The following LIPA variants were observed in gnomAD, a reference collection of about 807,000 sequenced individuals.
LIPA encodes the protein lysosomal acid lipase/cholesteryl ester hydrolase.
LIPA carries 26 observed loss-of-function variants against 40.6 expected under a neutral mutation model. That is an observed-to-expected ratio of 0.64 (90% CI 0.47 to 0.89). The LOEUF (loss-of-function observed/expected upper bound fraction) is 0.89. Ranked by LOEUF, LIPA falls within the 40% of genes least tolerant of loss-of-function variation. The probability of loss-of-function intolerance (pLI) is 0.00; values close to 1 mark genes in which losing one functional copy is unlikely to be tolerated. For missense variants in LIPA, 455 were observed against 479.6 expected (o/e 0.95, Z 0.48); for synonymous variants, 188 against 168.4 (o/e 1.12, Z -0.90).
chr10:89,369,542 T>C (rs1321131632), intron 2 of LIPA, among the ~76,000 whole-genome samples: 1 of 152,212 alleles, frequency 6.6e-6, no homozygotes, highest in Non-Finnish European at 1.5e-5. Context: ...GTTGGAGTTA[T>C]CTTTATCAAG....
intron 1 of LIPA, chr10:89,338,902 C>CAA (rs775587711): frequency 6.2e-7 from 1 of 1,614,164 alleles, no homozygotes; most frequent in Admixed American, 1.7e-5. Flanking sequence ...GTTAATCCAG[C>CAA]AAGAACATGC....
chr10:89,294,656 T>A (rs956002014), intron 1 of LIPA, among the ~76,000 whole-genome samples: 1 of 152,186 alleles, frequency 6.6e-6, no homozygotes. Context: ...AAATGGTGTT[T>A]AATTAATTTT....
intron 3 of LIPA, among the ~76,000 whole-genome samples, chr10:89,237,574 G>T (rs968180236): frequency 6.6e-6 from 1 of 152,178 alleles, no homozygotes; most frequent in Non-Finnish European, 1.5e-5. Context: ...AATGCAGTAG[G>T]GTTGATGGTC....
intron 2 of LIPA, among the ~76,000 whole-genome samples, chr10:89,371,562 T>C (rs779439261): frequency 2.0e-5 from 3 of 152,152 alleles, no homozygotes; most frequent in Non-Finnish European, 4.4e-5. Context: ...CCACTAGTGA[T>C]GGAGGGGAAG....
chr10:89,254,130 C>A (rs140076112), upstream of LIPA, among the ~76,000 whole-genome samples: 177 of 152,360 alleles, frequency 1.2e-3, no homozygotes, highest in Middle Eastern at 0.01. Flanking sequence ...CACAGCTGCA[C>A]TAGGCAGTGC....
intron 1 of LIPA, among the ~76,000 whole-genome samples, chr10:89,322,869 G>T (rs1843579640): frequency 6.6e-6 from 1 of 152,182 alleles, no homozygotes; most frequent in East Asian, 1.9e-4. Flanking sequence ...GGGCAAGACA[G>T]GTGACTACAT....
intron 1 of LIPA, among the ~76,000 whole-genome samples, chr10:89,294,890 C>T (rs1400888287): frequency 1.3e-5 from 2 of 151,896 alleles, no homozygotes; most frequent in East Asian, 3.9e-4. Context: ...GGGAAGATCA[C>T]TTGAGCCTGG....
At chr10:89,224,258 G>T (rs1431779811) in intron 6 of LIPA, among the ~76,000 whole-genome samples, 1 of 152,204 alleles carries the variant, frequency 6.6e-6, no homozygotes, top group African/African-American at 2.4e-5. Context: ...TGGCCAGCAG[G>T]CCAAATCCAG....
chr10:89,347,410 C>CAT (rs1229588461), upstream of LIPA, among the ~76,000 whole-genome samples: 2 of 152,162 alleles, frequency 1.3e-5, no homozygotes, highest in Admixed American at 1.3e-4. Flanking sequence ...ACAGTCTTAG[C>CAT]ATAGTAAGCC....
intron 2 of LIPA, among the ~76,000 whole-genome samples, chr10:89,349,817 T>C (rs1367178232): frequency 6.6e-6 from 1 of 152,174 alleles, no homozygotes; most frequent in East Asian, 1.9e-4. Context: ...AACATGCCAT[T>C]TTGACATAAG....
Position 89,383,241 on chromosome 10 carries a change from C to G in LIPA, c.61+29550G>C, listed in dbSNP as rs1844176411. 4 of 1,262,318 alleles carry G rather than the reference C, an allele frequency of 3.2e-6. No individual in the cohort carries two copies. In the East Asian group the frequency reaches 9.4e-5, roughly 30 times the overall value. The allele number at this position is 1,262,318 out of a possible 1,614,324, so 78.2% of individuals were successfully genotyped here. On this transcript the variant is annotated intron_variant, in intron 2 of 8. Coordinates refer to the LIPA transcript ENST00000371837. ...GGAAATTAGGATAGAGCATATTTGA[C>G]TATTTGAAGTGCTGGCTTCATTTTC...
intron 2 of LIPA, among the ~76,000 whole-genome samples, chr10:89,407,277 T>C (rs1193321178): frequency 6.6e-6 from 1 of 152,164 alleles, no homozygotes; most frequent in African/African-American, 2.4e-5. Flanking sequence ...TGGGTCCTAA[T>C]GCCTGCCAGA....
At chr10:89,374,630 G>A (rs1361597026) in intron 2 of LIPA, among the ~76,000 whole-genome samples, 1 of 152,182 alleles carries the variant, frequency 6.6e-6, no homozygotes, top group Non-Finnish European at 1.5e-5. Context: ...GTTCATTTCA[G>A]TATTTGCTTA....
intron 2 of LIPA, among the ~76,000 whole-genome samples, chr10:89,382,937 G>T (rs1272728648): frequency 1.3e-5 from 2 of 152,228 alleles, no homozygotes; most frequent in Non-Finnish European, 2.9e-5. Context: ...CCACCTTTCT[G>T]TGAACCCTCT....
chr10:89,340,161 G>A, intron 1 of LIPA: 5 of 1,539,984 alleles, frequency 3.2e-6, no homozygotes, highest in Non-Finnish European at 4.4e-6. Context: ...TCAGAAGCCT[G>A]CAGTGGTGGT....
At chr10:89,222,260 G>A (rs1309038356) in intron 8 of LIPA, among the ~76,000 whole-genome samples, 1 of 152,196 alleles carries the variant, frequency 6.6e-6, no homozygotes, top group East Asian at 1.9e-4. Context: ...CCTGAGACTT[G>A]AGGAAGGGAG....
Position 89,250,338 on chromosome 10 carries a change from C to G in LIPA, c.-2+1399G>C, listed in dbSNP as rs1291119401. On this transcript the variant is annotated intron_variant, in intron 1 of 9. Coordinates refer to ENST00000336233, the MANE Select transcript of LIPA (RefSeq NM_000235.4). ...CAGGATGGTCTCGATCTCCTGACCT[C>G]GTGATCCGCCGGCCTCGGCCTCCAA... Among the ~76,000 whole-genome samples, 3 of 152,082 alleles carry G rather than the reference C, an allele frequency of 2.0e-5. No homozygotes were observed. In the South Asian group the frequency reaches 6.2e-4, roughly 32 times the overall value.
intron 1 of LIPA, among the ~76,000 whole-genome samples, chr10:89,295,686 T>C (rs1388858822): frequency 6.6e-6 from 1 of 152,244 alleles, no homozygotes; most frequent in Non-Finnish European, 1.5e-5. Context: ...ATATTCTATA[T>C]AAATGAAATC....
intron 2 of LIPA, among the ~76,000 whole-genome samples, chr10:89,352,382 A>G (rs574672921): frequency 2.5e-4 from 38 of 152,320 alleles, no homozygotes; most frequent in African/African-American, 8.9e-4. Context: ...CATTTTTTGT[A>G]CATATGATTC....
Sources: gnomAD v4.1 joint callset for allele counts (sites outside exome capture counted in the v4.1 genomes callset) on GRCh38, gnomAD v4.1.1 for gene constraint, MANE v1.5 for transcripts, NCBI Gene and HGNC (gene_info 2026-07-23, HGNC 2026-07-21) for gene names.